The following STARD9 variants were observed in gnomAD, a reference collection of about 807,000 sequenced individuals.
The protein encoded by STARD9 is stAR-related lipid transfer protein 9.
Under a neutral mutation model 399.8 loss-of-function variants are expected in STARD9, and 346 were observed. That is an observed-to-expected ratio of 0.87 (90% CI 0.79 to 0.95). STARD9 has a LOEUF of 0.95. Among genes scored for constraint, STARD9 ranks in the 40% least tolerant of loss-of-function variants. The probability of loss-of-function intolerance (pLI) is 0.00; values close to 1 mark genes in which losing one functional copy is unlikely to be tolerated. For missense variants in STARD9, 5,832 were observed against 5,667.5 expected (o/e 1.03, Z -0.93); for synonymous variants, 2,203 against 2,143.5 (o/e 1.03, Z -0.77).
At position 42,638,802 on chromosome 15, in the gene STARD9, C is replaced by A. The variant is rs1223650190; in HGVS notation, c.549C>A (p.Pro183=). The A allele has an allele frequency of 6.5e-7, 1 of 1,531,834 alleles. No individual in the cohort carries two copies. Among genetic ancestry groups the A allele is most frequent in the South Asian group, 1.2e-5 (1 of 83,356 alleles). 94.9% of individuals were successfully genotyped at this position (1,531,834 alleles called of 1,614,324 possible). A position where few individuals can be genotyped will look rare whatever the true frequency, so the allele number is the denominator to read the frequency against. The change falls in exon 7 of 33, where the codon CCC becomes CCA. Residue 183 remains proline, a synonymous_variant. Transcript: ENST00000290607. ...TCAGGGAGCATCCAGAGATGGGGCCCTATGTACAAGGTGAGCTACTGTGGT... is the reference window on the plus strand; with the variant it reads ...TCAGGGAGCATCCAGAGATGGGGCCATATGTACAAGGTGAGCTACTGTGGT... ...LRVREHPEMG[P]YVQGLSQHVV...
At chr15:42,631,518 T>TG (rs2059331737) in intron 3 of STARD9, among the ~76,000 whole-genome samples, 3 of 151,776 alleles carry the variant, frequency 2.0e-5, no homozygotes, top group Admixed American at 2.0e-4. Flanking sequence ...AGGGAGAAGT[T>TG]GCAGTGAGCT....
At chr15:42,605,636 C>T (rs910035585) in intron 3 of STARD9, among the ~76,000 whole-genome samples, 2 of 152,180 alleles carry the variant, frequency 1.3e-5, no homozygotes, top group African/African-American at 4.8e-5. Context: ...TTGTCAATAA[C>T]TTTATTTCCC....
intron 26 of STARD9, among the ~76,000 whole-genome samples, 184 bp downstream of exon 26, chr15:42,696,064 GTTCA>G (rs2060840834): frequency 6.6e-6 from 1 of 152,218 alleles, no homozygotes; most frequent in Non-Finnish European, 1.5e-5. Context: ...TGCTCCTTCT[GTTCA>G]TTCATTCAAC....
At position 42,685,957 on chromosome 15, in the gene STARD9, C is replaced by G; in HGVS notation, c.4379C>G (p.Ser1460Cys). 2 of 1,537,230 alleles carry G rather than the reference C, an allele frequency of 1.3e-6. No individual in the cohort carries two copies. The highest frequency in any genetic ancestry group is 1.7e-6 in the Non-Finnish European group (2 of 1,146,906). The change falls in exon 23 of 33, where the codon TCT becomes TGT. Residue 1460 changes from serine to cysteine, a missense_variant. Transcript: ENST00000290607. ...QQGSSEASHN[S>C]SVSNVLAASA... ...GGCAGCTCTGAAGCATCCCACAATT[C>G]TAGCGTATCAAACGTGCTGGCTGCC...
rs970780014 is a variant in STARD9, at chr15:42,720,418, G to A, written c.*844G>A. The A allele has an allele frequency of 3.9e-5, 6 of 152,326 alleles. No homozygotes were observed. The highest frequency in any genetic ancestry group is 8.8e-5 in the Non-Finnish European group (6 of 68,114). 9.4% of individuals were successfully genotyped at this position (152,326 alleles called of 1,614,324 possible). A position where few individuals can be genotyped will look rare whatever the true frequency, so the allele number is the denominator to read the frequency against. ...AGATTAAACATTGTCCTTTGAGGAA[G>A]GGAGAGGAGGTGAATGAACTCCCAG... is the stretch of plus-strand genomic sequence containing the variant. On this transcript the variant is annotated 3_prime_UTR_variant, in exon 33 of 33. Coordinates refer to ENST00000290607, the MANE Select transcript of STARD9 (RefSeq NM_020759.3).
At chr15:42,645,972 C>T (rs1309590937) in intron 7 of STARD9, among the ~76,000 whole-genome samples, 1 of 151,946 alleles carries the variant, frequency 6.6e-6, no homozygotes. Flanking sequence ...CCAGCCTGGC[C>T]AACGTGGTGA....
chr15:42,691,391 C>T lies in STARD9; in HGVS notation c.9813C>T (p.Ala3271=). 2 of 1,537,200 alleles carry T rather than the reference C, an allele frequency of 1.3e-6. No homozygotes were observed. Among genetic ancestry groups the T allele is most frequent in the Non-Finnish European group, 1.7e-6 (2 of 1,146,882 alleles). ...TATCACAGGGCTTCAAAGACCCAGC[C>T]ACTGTGTCCTTGAGGCAAAATGAAA... ...KILSQGFKDP[A]TVSLRQNETP... is the part of the protein sequence containing the mutation. The change falls in exon 23 of 33, where the codon GCC becomes GCT. Residue 3271 remains alanine, a synonymous_variant. Transcript: ENST00000290607.
Position 42,692,106 on chromosome 15 carries a change from CG to C in STARD9, c.10530del (p.Cys3511AlafsTer8). ...PQGLTLSNVA[R>X]CSSMDNGLED... ...GGGGCTGACACTATCAAATGTGGCC[CG>C]GTGCTCCAGCATGGACAATGGCCTA... On this transcript the variant is annotated frameshift_variant, in exon 23 of 33. Coordinates refer to ENST00000290607, the MANE Select transcript of STARD9 (RefSeq NM_020759.3). LOFTEE classifies it high-confidence loss of function. The C allele has an allele frequency of 6.5e-7, 1 of 1,537,132 alleles. No individual in the cohort carries two copies.
chr15:42,686,378 T>C lies in STARD9; in HGVS notation c.4800T>C (p.Ser1600=). 1 of 1,537,548 alleles carries C rather than the reference T, an allele frequency of 6.5e-7. No homozygotes were observed. Among genetic ancestry groups the C allele is most frequent in the Non-Finnish European group, 8.7e-7 (1 of 1,147,024 alleles). Residue 1600 remains serine (S), a synonymous_variant, in exon 23 of 33, where the codon TCT becomes TCC. Coordinates refer to ENST00000290607, the MANE Select transcript of STARD9 (RefSeq NM_020759.3). ...CAGACTTAGAATCATTGTCTGCTTCTCGATCTACAAATGCACAGGTCTTTG... is the reference window on the plus strand; with the variant it reads ...CAGACTTAGAATCATTGTCTGCTTCCCGATCTACAAATGCACAGGTCTTTG... ...YSADLESLSA[S]RSTNAQVFAT...
chr15:42,588,770 C>T (rs538338318), intron 3 of STARD9, among the ~76,000 whole-genome samples: 56 of 108,978 alleles, frequency 5.1e-4, no homozygotes, highest in African/African-American at 2.1e-3. Flanking sequence ...TTATCCTCTT[C>T]ACAGCGTTTT....
chr15:42,577,005 G>T (rs965018323), intron 1 of STARD9, among the ~76,000 whole-genome samples: 19 of 152,084 alleles, frequency 1.2e-4, no homozygotes, highest in Non-Finnish European at 1.8e-4. Flanking sequence ...GCTGGGGGGG[G>T]TTTTATAAGT....
intron 9 of STARD9, among the ~76,000 whole-genome samples, chr15:42,654,618 G>A (rs953960875): frequency 6.6e-6 from 1 of 152,066 alleles, no homozygotes; most frequent in African/African-American, 2.4e-5. Flanking sequence ...TGAATCAGTA[G>A]CTGTGCTATA....
Position 42,626,324 on chromosome 15 carries a change from CTCCTCTTCCTCTTCT to C in STARD9, c.235-8496_235-8482del, listed in dbSNP as rs60638492. Among the ~76,000 whole-genome samples the C allele has an allele frequency of 6.4e-3, 811 of 127,000 alleles. 12 individuals are homozygous for C. The East Asian group carries it at 0.066, about 10-fold the overall frequency. The allele number at this position is 127,000 out of a possible 152,430, so 83.3% of individuals were successfully genotyped here. A position where few individuals can be genotyped will look rare whatever the true frequency, so the allele number is the denominator to read the frequency against. ...CCCCTTCTTCCTCTTCCTCTTCTTC[CTCCTCTTCCTCTTCT>C]TCCTCTTCCTCTTCTTCCTCTTCCT... On this transcript the variant is annotated intron_variant, in intron 3 of 32. Transcript: ENST00000290607.
chr15:42,641,341 A>T (rs1372174050), intron 7 of STARD9, among the ~76,000 whole-genome samples: 1 of 152,210 alleles, frequency 6.6e-6, no homozygotes, highest in East Asian at 1.9e-4. Context: ...AACCATTACA[A>T]ATACAGGTGG....
At chr15:42,705,614 G>C (rs1429110200) in intron 26 of STARD9, among the ~76,000 whole-genome samples, 2 of 151,750 alleles carry the variant, frequency 1.3e-5, no homozygotes, top group African/African-American at 4.8e-5. Context: ...AATTTTTCTT[G>C]TATTTTTAAT....
chr15:42,692,173 ACG>A lies in STARD9; in HGVS notation c.10597_10598del (p.Ala3533GlnfsTer4). The A allele has an allele frequency of 6.5e-7, 1 of 1,537,028 alleles. No individual in the cohort carries two copies. The highest frequency in any genetic ancestry group is 8.7e-7 in the Non-Finnish European group (1 of 1,146,886). ...CCTTTCCACTCCCACCTCAGCACTT[ACG>A]CCAATATTTGTGATCTGTCAACCAC... On this transcript the variant is annotated frameshift_variant, in exon 23 of 33. Transcript: ENST00000290607. LOFTEE classifies it high-confidence loss of function.
chr15:42,576,962 T>G (rs528965743), intron 1 of STARD9, among the ~76,000 whole-genome samples: 11 of 152,282 alleles, frequency 7.2e-5, no homozygotes, highest in African/African-American at 2.6e-4. Flanking sequence ...TTGTGACACC[T>G]GGCTTCTTCA....
At position 42,693,514 on chromosome 15, in the gene STARD9, T is replaced by C. The variant is rs146823165; in HGVS notation, c.11936T>C (p.Leu3979Ser). ...AGTAATGGGAGATCCTTCCTTGAGT[T>C]GCACTCCCCACACAGCCCACAGCAG... ...QRSNGRSFLE[L>S]HSPHSPQQSP... is the part of the protein sequence containing the mutation. The change falls in exon 23 of 33, where the codon TTG (leucine) becomes TCG (serine). Residue 3979 changes from leucine to serine, a missense_variant. Transcript: ENST00000290607. 6.5e-7 allele frequency: 1 copy of C among 1,537,228 alleles called. No individual in the cohort carries two copies. Among genetic ancestry groups the C allele is most frequent in the East Asian group, 2.4e-5 (1 of 40,922 alleles).
At chr15:42,589,457 T>A (rs996993984) in intron 3 of STARD9, among the ~76,000 whole-genome samples, 4 of 152,210 alleles carry the variant, frequency 2.6e-5, no homozygotes, top group African/African-American at 9.6e-5. Context: ...TGCTCTTTTA[T>A]AGTCTATTTC....
Sources: allele counts gnomAD v4.1 joint callset (sites outside exome capture counted in the v4.1 genomes callset), GRCh38; gene constraint gnomAD v4.1.1; transcripts MANE v1.5; gene names NCBI Gene and HGNC (gene_info 2026-07-23, HGNC 2026-07-21).